The following RICTOR variants were observed in gnomAD, a reference collection of about 807,000 sequenced individuals.
The protein encoded by RICTOR is rapamycin-insensitive companion of mTOR.
In RICTOR, 49 loss-of-function variants were observed where a neutral mutation model predicts 214.9. That is an observed-to-expected ratio of 0.23 (90% CI 0.18 to 0.29). The LOEUF is 0.29. Among genes scored for constraint, RICTOR ranks in the 10% least tolerant of loss-of-function variants. The pLI, the probability that RICTOR is intolerant of heterozygous loss-of-function variation, is 1.00. For missense variants in RICTOR, 1,625 were observed against 2,047.0 expected (o/e 0.79, Z 3.98); for synonymous variants, 717 against 711.3 (o/e 1.01, Z -0.13).
rs1484375197 is a variant in RICTOR, at chr5:38,938,964, G to A, written c.*3340C>T. The A allele has an allele frequency of 4.3e-6, 1 of 232,848 alleles. No homozygotes were observed. The highest frequency in any genetic ancestry group is 2.2e-5 in the African/African-American group (1 of 45,292). The allele number at this position is 232,848 out of a possible 1,614,324, so 14.4% of individuals were successfully genotyped here. On this transcript the variant is annotated 3_prime_UTR_variant, in exon 38 of 38. Transcript: ENST00000357387. ...TGGATTGTGAATCTGAGACAAAAGTGGAAGCATAAGACTAAAGGAGAAAAA... is the reference window on the plus strand; with the variant it reads ...TGGATTGTGAATCTGAGACAAAAGTAGAAGCATAAGACTAAAGGAGAAAAA...
At chr5:38,969,718 A>C in intron 11 of RICTOR, 1 of 141,562 alleles carries the variant, frequency 7.1e-6, no homozygotes, top group Non-Finnish European at 1.5e-5. Context: ...GCCCAGGCTG[A>C]AGTGCAGTGG....
chr5:39,005,077 G>A (rs954548343), intron 3 of RICTOR, among the ~76,000 whole-genome samples: 4 of 151,116 alleles, frequency 2.6e-5, no homozygotes, highest in African/African-American at 9.8e-5. Flanking sequence ...CACAGCGCCC[G>A]GCCTCTCACT....
At chr5:39,058,869 T>C (rs1758360593) in intron 2 of RICTOR, among the ~76,000 whole-genome samples, 2 of 152,152 alleles carry the variant, frequency 1.3e-5, no homozygotes, top group Admixed American at 1.3e-4. Context: ...TTGAAGTCTT[T>C]ATAAATAATT....
intron 34 of RICTOR, 138 bp from the exon 35 acceptor site, chr5:38,945,206 T>C: frequency 4.4e-6 from 3 of 684,328 alleles, no homozygotes; most frequent in Non-Finnish European, 7.2e-6. Context: ...TCCAAAACTT[T>C]TTTCCTCATA....
At chr5:39,000,470 AGTG>A (rs1344748766) in intron 5 of RICTOR, among the ~76,000 whole-genome samples, 2 of 152,122 alleles carry the variant, frequency 1.3e-5, no homozygotes, top group South Asian at 4.1e-4. Flanking sequence ...TATCACAAAT[AGTG>A]GTGTTTATTT....
At chr5:39,059,814 T>C (rs1181630164) in intron 2 of RICTOR, among the ~76,000 whole-genome samples, 3 of 152,126 alleles carry the variant, frequency 2.0e-5, no homozygotes, top group African/African-American at 7.2e-5. Context: ...ATATGTAATA[T>C]CTATTTCTTT....
chr5:38,983,620 A>G (rs1022079375), intron 7 of RICTOR, among the ~76,000 whole-genome samples: 8 of 152,228 alleles, frequency 5.3e-5, no homozygotes, highest in Non-Finnish European at 1.2e-4. Flanking sequence ...GTATCTAGGC[A>G]TATGTGTATC....
At chr5:38,952,734 A>G (rs1748902191) in intron 29 of RICTOR, among the ~76,000 whole-genome samples, 1 of 151,982 alleles carries the variant, frequency 6.6e-6, no homozygotes, top group South Asian at 2.1e-4. Flanking sequence ...GGAATACTGG[A>G]GTATCTGTAC....
chr5:38,980,577 G>C (rs953686255), intron 8 of RICTOR, among the ~76,000 whole-genome samples: 9 of 152,150 alleles, frequency 5.9e-5, no homozygotes, highest in African/African-American at 2.2e-4. Flanking sequence ...GGGCATAGTG[G>C]CTCATACCTG....
chr5:39,060,068 T>C (rs1437763196), intron 2 of RICTOR, among the ~76,000 whole-genome samples: 1 of 152,114 alleles, frequency 6.6e-6, no homozygotes, highest in East Asian at 1.9e-4. Context: ...AGATGTTATT[T>C]TGTCCATATT....
intron 11 of RICTOR, chr5:38,970,834 TTAAAA>T (rs1306029293): frequency 6.6e-6 from 1 of 152,182 alleles, no homozygotes; most frequent in African/African-American, 2.4e-5. Context: ...ACCACCATCG[TTAAAA>T]TAAAATCTCA....
intron 4 of RICTOR, 110 bp from the exon 5 acceptor site, chr5:39,002,776 C>T (rs951924537): frequency 9.6e-7 from 1 of 1,037,190 alleles, no homozygotes; most frequent in Non-Finnish European, 1.4e-6. Flanking sequence ...TCTAGTCATG[C>T]ACAGAATTCT....
In RICTOR at chr5:38,955,585, G is replaced by A. The variant is rs375677321; in HGVS notation, c.2609+10C>T. ...TGAACTAGTTTTAAATCTGATAACT[G>A]GGTACGCACCTTTGGTTACTCCGAC... On this transcript the variant is annotated intron_variant, in intron 26 of 37. Coordinates refer to ENST00000357387, the MANE Select transcript of RICTOR (RefSeq NM_152756.5). The A allele has an allele frequency of 1.6e-5, 23 of 1,404,900 alleles. No homozygotes were observed. The highest frequency in any genetic ancestry group is 2.2e-5 in the Non-Finnish European group (22 of 991,272). The allele number at this position is 1,404,900 out of a possible 1,614,324, so 87.0% of individuals were successfully genotyped here.
At chr5:38,984,309 C>T (rs935003924) in intron 7 of RICTOR, among the ~76,000 whole-genome samples, 27 of 152,088 alleles carry the variant, frequency 1.8e-4, no homozygotes, top group African/African-American at 6.3e-4. Context: ...TTAGTTTCTT[C>T]TTCCAATTAA....
chr5:38,991,847 CTA>C (rs557095458), intron 6 of RICTOR, among the ~76,000 whole-genome samples: 379 of 152,030 alleles, frequency 2.5e-3, no homozygotes, highest in African/African-American at 8.8e-3. Context: ...TAAATAAAGA[CTA>C]TTTTGCAAAT....
chr5:39,006,045 A>C (rs533297888), intron 3 of RICTOR, among the ~76,000 whole-genome samples: 125 of 152,320 alleles, frequency 8.2e-4, no homozygotes, highest in Non-Finnish European at 1.4e-3. Flanking sequence ...TGATGCATCT[A>C]GGTAGGACTC....
At chr5:39,047,075 A>T (rs1014526245) in intron 2 of RICTOR, among the ~76,000 whole-genome samples, 3 of 152,174 alleles carry the variant, frequency 2.0e-5, no homozygotes, top group African/African-American at 7.2e-5. Context: ...AAAAAAACTT[A>T]AAAAAATTTC....
intron 2 of RICTOR, among the ~76,000 whole-genome samples, chr5:39,039,603 G>C (rs1013575933): frequency 2.5e-4 from 38 of 152,080 alleles, no homozygotes; most frequent in Admixed American, 9.8e-4. Flanking sequence ...CTACAATGAA[G>C]TCAAACAAAT....
chr5:39,065,098 T>C (rs1030429230), intron 2 of RICTOR, among the ~76,000 whole-genome samples: 4 of 152,150 alleles, frequency 2.6e-5, no homozygotes, highest in Non-Finnish European at 4.4e-5. Flanking sequence ...TAAGACTGGG[T>C]AATTTATAAG....
Sources: gnomAD v4.1 joint callset for allele counts (sites outside exome capture counted in the v4.1 genomes callset) on GRCh38, gnomAD v4.1.1 for gene constraint, MANE v1.5 for transcripts, NCBI Gene and HGNC (gene_info 2026-07-23, HGNC 2026-07-21) for gene names.